THSD4: variants seen among roughly 807,000 people sequenced by gnomAD.
THSD4 encodes thrombospondin type-1 domain-containing protein 4.
A neutral mutation model predicts 119.0 loss-of-function variants in THSD4; 69 were observed. That is an observed-to-expected ratio of 0.58 (90% confidence interval 0.48 to 0.71). The LOEUF (loss-of-function observed/expected upper bound fraction) is 0.71, where lower values mean the gene tolerates loss of function less well. Ranked by LOEUF, THSD4 falls within the 30% of genes least tolerant of loss-of-function variation. The pLI, the probability that THSD4 is intolerant of heterozygous loss-of-function variation, is 0.00. For synonymous variants in THSD4, 524 were observed against 540.4 expected (o/e 0.97, Z 0.42); for missense variants, 1,393 against 1,391.1 (o/e 1.00, Z -0.02).
At chr15:71,243,454 G>A (rs1406822676) in intron 5 of THSD4, among the ~76,000 whole-genome samples, 1 of 152,108 alleles carries the variant, frequency 6.6e-6, no homozygotes, top group African/African-American at 2.4e-5. Flanking sequence ...GTTTCCCAGA[G>A]GTTCTCTGCT....
At chr15:71,109,473 C>A (rs773922959) in intron 1 of THSD4, among the ~76,000 whole-genome samples, 22 of 152,190 alleles carry the variant, frequency 1.4e-4, no homozygotes, top group Admixed American at 9.8e-4. Context: ...ATTCGTGGAT[C>A]TGAGAACTGG....
chr15:71,249,353 A>G (rs1044489609), intron 5 of THSD4, among the ~76,000 whole-genome samples: 1 of 151,614 alleles, frequency 6.6e-6, no homozygotes, highest in Non-Finnish European at 1.5e-5. Flanking sequence ...TATATACACA[A>G]GAATTGTTAA....
At chr15:71,355,532 T>C (rs1175870084) in intron 6 of THSD4, among the ~76,000 whole-genome samples, 2 of 152,200 alleles carry the variant, frequency 1.3e-5, no homozygotes, top group African/African-American at 4.8e-5. Flanking sequence ...AGTGTGGACC[T>C]GTAGCCCTGA....
intron 7 of THSD4, among the ~76,000 whole-genome samples, chr15:71,591,473 C>A (rs536428023): frequency 3.9e-5 from 6 of 152,372 alleles, no homozygotes; most frequent in Admixed American, 3.9e-4. Flanking sequence ...TATACCGATC[C>A]TCTTGGCTGA....
chr15:71,217,679 A>G (rs753388141), intron 4 of THSD4, among the ~76,000 whole-genome samples: 3 of 152,192 alleles, frequency 2.0e-5, no homozygotes, highest in Non-Finnish European at 4.4e-5. Context: ...CAAACTGACA[A>G]AAGCCTGAAA....
intron 1 of THSD4, among the ~76,000 whole-genome samples, chr15:71,118,184 T>C (rs1008922453): frequency 6.6e-6 from 1 of 152,080 alleles, no homozygotes; most frequent in African/African-American, 2.4e-5. Flanking sequence ...ATGGACACGG[T>C]TGAATCCAGG....
intron 3 of THSD4, among the ~76,000 whole-genome samples, chr15:71,166,037 G>A (rs1284078788): frequency 1.3e-5 from 2 of 152,150 alleles, no homozygotes; most frequent in Non-Finnish European, 2.9e-5. Flanking sequence ...GGGCAGCTGT[G>A]CCAGGATCTC....
chr15:71,116,981 G>T (rs1474408692), intron 1 of THSD4, among the ~76,000 whole-genome samples: 1 of 151,974 alleles, frequency 6.6e-6, no homozygotes, highest in Non-Finnish European at 1.5e-5. Flanking sequence ...CAAAATCCTA[G>T]CCCTGAAATT....
chr15:71,529,460 T>C (rs1421413354), intron 7 of THSD4, among the ~76,000 whole-genome samples: 1 of 152,216 alleles, frequency 6.6e-6, no homozygotes, highest in Non-Finnish European at 1.5e-5. Context: ...TGTATATTGA[T>C]CATAAGAAAG....
chr15:71,149,494 C>T (rs1409115782), intron 2 of THSD4, among the ~76,000 whole-genome samples: 1 of 152,108 alleles, frequency 6.6e-6, no homozygotes, highest in Non-Finnish European at 1.5e-5. Context: ...AGTGATCCGC[C>T]TGCCTCGGCC....
At chr15:71,541,443 G>A (rs1411222461) in intron 7 of THSD4, among the ~76,000 whole-genome samples, 2 of 152,198 alleles carry the variant, frequency 1.3e-5, no homozygotes, top group African/African-American at 4.8e-5. Flanking sequence ...AAGCAACTCA[G>A]TTTCCCTCCC....
chr15:71,775,741 A>G (rs1284356637), intron 17 of THSD4, among the ~76,000 whole-genome samples: 2 of 152,120 alleles, frequency 1.3e-5, no homozygotes, highest in African/African-American at 4.8e-5. Context: ...AATAAAATAA[A>G]TAGAAGTTTA....
At chr15:71,462,198 G>C (rs1352622644) in intron 7 of THSD4, among the ~76,000 whole-genome samples, 1 of 152,066 alleles carries the variant, frequency 6.6e-6, no homozygotes, top group African/African-American at 2.4e-5. Context: ...GTCTCACTCT[G>C]TCACCCCGGC....
intron 7 of THSD4, among the ~76,000 whole-genome samples, chr15:71,654,475 T>C (rs2051151010): frequency 6.6e-6 from 1 of 152,226 alleles, no homozygotes; most frequent in South Asian, 2.1e-4. Context: ...GAGCCCTTCA[T>C]ACAGAAACTG....
At chr15:71,757,841 G>C in intron 14 of THSD4, 61 bp from the exon 15 acceptor site, 1 of 1,596,094 alleles carries the variant, frequency 6.3e-7, no homozygotes, top group East Asian at 2.2e-5. Context: ...TCCATCATTT[G>C]AAAGTGGCTT....
At chr15:71,507,864 T>C (rs1431742588) in intron 7 of THSD4, among the ~76,000 whole-genome samples, 3 of 151,896 alleles carry the variant, frequency 2.0e-5, no homozygotes, top group Non-Finnish European at 4.4e-5. Context: ...CTCCAAGGGG[T>C]TCATTCTAAC....
intron 6 of THSD4, among the ~76,000 whole-genome samples, chr15:71,257,052 A>T (rs1396840449): frequency 3.3e-5 from 5 of 152,138 alleles, no homozygotes; most frequent in African/African-American, 9.7e-5. Context: ...GTGAGTGCAG[A>T]TGGAGTTTCC....
intron 7 of THSD4, among the ~76,000 whole-genome samples, chr15:71,498,002 G>C (rs549058974): frequency 1.3e-5 from 2 of 152,302 alleles, no homozygotes; most frequent in South Asian, 4.1e-4. Context: ...AGGGGAGGGT[G>C]GGTTATAAGT....
intron 7 of THSD4, among the ~76,000 whole-genome samples, chr15:71,566,906 T>C (rs1337331010): frequency 6.6e-6 from 1 of 152,106 alleles, no homozygotes; most frequent in Non-Finnish European, 1.5e-5. Context: ...CTGTCATTTT[T>C]TTTTTTCCCT....
Sources: allele counts gnomAD v4.1 joint callset (sites outside exome capture counted in the v4.1 genomes callset), GRCh38; gene constraint gnomAD v4.1.1; transcripts MANE v1.5; gene names NCBI Gene and HGNC (gene_info 2026-07-23, HGNC 2026-07-21).